The following MS4A15 variants were observed in gnomAD, a reference collection of about 807,000 sequenced individuals.
MS4A15 encodes membrane spanning 4-domains A15.
Under a neutral mutation model 20.6 loss-of-function variants are expected in MS4A15, and 22 were observed. The observed-to-expected ratio is 1.07, with a 90% CI of 0.76 to 1.52. The LOEUF is 1.52. Ranked by LOEUF, MS4A15 falls within the 40% of genes most tolerant of loss-of-function variation. The probability of loss-of-function intolerance (pLI) is 0.00; values close to 1 mark genes in which losing one functional copy is unlikely to be tolerated. For missense variants in MS4A15, 312 were observed against 323.0 expected (o/e 0.97, Z 0.26); for synonymous variants, 129 against 129.3 (o/e 1.00, Z 0.02).
intron 6 of MS4A15, among the ~76,000 whole-genome samples, chr11:60,774,906 G>C (rs1045353667): frequency 6.6e-6 from 1 of 152,220 alleles, no homozygotes; most frequent in Admixed American, 6.5e-5. Flanking sequence ...TCCAGTGCCG[G>C]AAGGTGGAGA....
chr11:60,770,656 C>G (rs1854011548), intron 3 of MS4A15, among the ~76,000 whole-genome samples: 1 of 151,188 alleles, frequency 6.6e-6, no homozygotes, highest in Admixed American at 6.6e-5. Context: ...CTGCCTTATT[C>G]AACTCTGTTA....
intron 1 of MS4A15, among the ~76,000 whole-genome samples, chr11:60,761,210 A>G (rs908105731): frequency 6.6e-6 from 1 of 152,214 alleles, no homozygotes; most frequent in Non-Finnish European, 1.5e-5. Flanking sequence ...ATTAAACTTA[A>G]TAACTCCTTG....
chr11:60,775,342 A>G (rs893120132), intron 6 of MS4A15, among the ~76,000 whole-genome samples: 1 of 150,954 alleles, frequency 6.6e-6, no homozygotes, highest in Non-Finnish European at 1.5e-5. Flanking sequence ...AAGAAAAAAA[A>G]GAACAGCAGA....
At chr11:60,766,833 C>T (rs1853896357) in intron 2 of MS4A15, among the ~76,000 whole-genome samples, 1 of 152,190 alleles carries the variant, frequency 6.6e-6, no homozygotes, top group Non-Finnish European at 1.5e-5. Context: ...CTGGAGTCCC[C>T]GTGAAAGTCA....
At chr11:60,760,562 T>A (rs1420103522) in intron 1 of MS4A15, among the ~76,000 whole-genome samples, 1 of 152,182 alleles carries the variant, frequency 6.6e-6, no homozygotes, top group African/African-American at 2.4e-5. Context: ...TTTGTTTGAA[T>A]CTATTATGAC....
At chr11:60,766,936 A>G (rs1853899104) in intron 2 of MS4A15, among the ~76,000 whole-genome samples, 1 of 152,182 alleles carries the variant, frequency 6.6e-6, no homozygotes, top group South Asian at 2.1e-4. Context: ...ATAGTTACCC[A>G]AAACGTTGCA....
At chr11:60,768,716 T>G (rs1247127285) in intron 3 of MS4A15, among the ~76,000 whole-genome samples, 2 of 152,338 alleles carry the variant, frequency 1.3e-5, no homozygotes, top group African/African-American at 4.8e-5. Context: ...AATCGAGAGA[T>G]AATGTGCATG....
intron 2 of MS4A15, among the ~76,000 whole-genome samples, chr11:60,765,454 T>A (rs952769002): frequency 6.6e-6 from 1 of 152,098 alleles, no homozygotes; most frequent in Non-Finnish European, 1.5e-5. Context: ...CTCTTACTTA[T>A]GAAGCATCTC....
At position 60,775,612 on chromosome 11, in the gene MS4A15, T is replaced by C. The variant is rs1227705380; in HGVS notation, c.620T>C (p.Ile207Thr). 6.2e-7 allele frequency: 1 copy of C among 1,613,772 alleles called. No individual in the cohort carries two copies. The highest frequency in any genetic ancestry group is 8.5e-7 in the Non-Finnish European group (1 of 1,179,896). The change falls in exon 7 of 7, where the codon ATC becomes ACC. Residue 207 changes from isoleucine to threonine, a missense_variant. Transcript: ENST00000405633. ...GTGCTGTTTTCTTTGCAGCCTGTGATCTTCCTGCCAAACGCCTTCAGCGCA... is the reference window on the plus strand; with the variant it reads ...GTGCTGTTTTCTTTGCAGCCTGTGACCTTCCTGCCAAACGCCTTCAGCGCA... Reference protein sequence around the residue: ...AIHAQASAPVIFLPNAFSADF... With the variant: ...AIHAQASAPVTFLPNAFSADF...
At chr11:60,767,399 A>C (rs1853908434) in intron 2 of MS4A15, 134 bp from the exon 3 acceptor site, 2 of 1,155,746 alleles carry the variant, frequency 1.7e-6, no homozygotes, top group Non-Finnish European at 2.3e-6. Context: ...ATCGCCTCTA[A>C]AGAACAGAAT....
rs1853916780 is a variant in MS4A15 at position 60,767,611 on chromosome 11, ATCT to A, written c.310_312del (p.Phe104del). 6.4e-7 allele frequency: 1 copy of A among 1,558,050 alleles called. No homozygotes were observed. The highest frequency in any genetic ancestry group is 1.4e-5 in the African/African-American group (1 of 73,926). On this transcript the variant is annotated inframe_deletion, in exon 3 of 7. Coordinates refer to ENST00000405633, the MANE Select transcript of MS4A15 (RefSeq NM_001098835.2). Reference sequence around the variant, plus strand: ...CATGGTTCGCCGCGGCCACGTGGGCATCTTCTTCATCGAGGGCGGCGTCCCCTT... The same window carrying A: ...CATGGTTCGCCGCGGCCACGTGGGCATCTTCATCGAGGGCGGCGTCCCCTT...
intron 1 of MS4A15, among the ~76,000 whole-genome samples, chr11:60,758,684 C>T (rs1004701207): frequency 2.0e-5 from 3 of 152,210 alleles, no homozygotes; most frequent in Admixed American, 6.5e-5. Flanking sequence ...ATTGGCAAAT[C>T]GCAATAGCTG....
chr11:60,773,247 C>T, intron 4 of MS4A15, 145 bp from the exon 5 acceptor site: 1 of 602,486 alleles, frequency 1.7e-6, no homozygotes. Flanking sequence ...TCAATGAGAA[C>T]ACAGCTGTGT....
intron 2 of MS4A15, among the ~76,000 whole-genome samples, chr11:60,766,264 C>T (rs1461400737): frequency 2.0e-5 from 3 of 152,128 alleles, no homozygotes; most frequent in African/African-American, 7.2e-5. Context: ...ACCTGTAATC[C>T]CCATTACTCA....
intron 3 of MS4A15, among the ~76,000 whole-genome samples, chr11:60,767,859 G>T (rs1271089101): frequency 6.6e-6 from 1 of 152,156 alleles, no homozygotes; most frequent in Non-Finnish European, 1.5e-5. Context: ...CACCCCTGAG[G>T]ATCAAAAGCT....
Position 60,763,787 on chromosome 11 carries a change from C to G in MS4A15, c.54C>G (p.Asn18Lys), listed in dbSNP as rs200750483. The G allele has an allele frequency of 5.6e-6, 9 of 1,612,380 alleles. No individual in the cohort carries two copies. The East Asian group carries it at 1.1e-4, about 20-fold the overall frequency. The stretch of plus-strand genomic sequence containing the variant: ...TGTTTGTTGTCATCCCGCCAAACAA[C>G]GCCAGTGGCCTCTGCCCACCTCCGG... ...NGVFVVIPPN[N>K]ASGLCPPPAI... The change falls in exon 2 of 7, where the codon AAC becomes AAG. Residue 18 changes from asparagine to lysine, a missense_variant. Transcript: ENST00000405633.
intron 2 of MS4A15, among the ~76,000 whole-genome samples, 187 bp downstream of exon 2, chr11:60,764,145 C>A (rs946800529): frequency 8.5e-5 from 13 of 152,212 alleles, no homozygotes; most frequent in Non-Finnish European, 1.6e-4. Flanking sequence ...AACCAGTAAA[C>A]AAATGACTCA....
chr11:60,775,036 C>G (rs1854151616), intron 6 of MS4A15, among the ~76,000 whole-genome samples: 1 of 152,200 alleles, frequency 6.6e-6, no homozygotes, highest in Admixed American at 6.5e-5. Flanking sequence ...AACAGCAGAG[C>G]CGGACGTGGT....
intron 3 of MS4A15, among the ~76,000 whole-genome samples, chr11:60,769,817 C>G (rs997302857): frequency 1.3e-5 from 2 of 152,212 alleles, no homozygotes; most frequent in African/African-American, 4.8e-5. Flanking sequence ...AGAGCATAGC[C>G]TGAGTGTGTC....
Sources: allele counts gnomAD v4.1 joint callset (sites outside exome capture counted in the v4.1 genomes callset), GRCh38; gene constraint gnomAD v4.1.1; transcripts MANE v1.5; gene names NCBI Gene and HGNC (gene_info 2026-07-23, HGNC 2026-07-21).